PHKA1: variants seen among roughly 807,000 people sequenced by gnomAD.
PHKA1 encodes phosphorylase kinase regulatory subunit alpha 1, also known as phosphorylase b kinase regulatory subunit alpha, skeletal muscle isoform.
Under a neutral mutation model 110.2 loss-of-function variants are expected in PHKA1, and 60 were observed. The observed-to-expected ratio is 0.54, with a 90% CI of 0.44 to 0.68. PHKA1 has a LOEUF of 0.68. Ranked by LOEUF, PHKA1 falls within the 30% of genes least tolerant of loss-of-function variation. The pLI is 0.00. For missense variants in PHKA1, 801 were observed against 942.5 expected, an observed-to-expected ratio of 0.85 and a Z score of 1.97; for synonymous variants, 316 against 333.6, an observed-to-expected ratio of 0.95 and a Z score of 0.58.
chrX:72,591,081 T>TA (rs1482941942), intron 29 of PHKA1, among the ~76,000 whole-genome samples: 1 of 112,103 alleles, frequency 8.9e-6, no homozygotes, highest in African/African-American at 3.2e-5. Flanking sequence ...CAAAGTATTA[T>TA]AAATCATGCT....
intron 28 of PHKA1, among the ~76,000 whole-genome samples, chrX:72,596,085 A>G (rs1400834931): frequency 1.8e-5 from 2 of 112,306 alleles, no homozygotes; most frequent in Non-Finnish European, 3.8e-5. Context: ...AAAATCTGGT[A>G]ATACATAAAA....
intron 25 of PHKA1, among the ~76,000 whole-genome samples, chrX:72,604,026 T>C (rs1248118076): frequency 9.1e-6 from 1 of 109,778 alleles, no homozygotes; most frequent in Non-Finnish European, 1.9e-5. Flanking sequence ...CTATAAGGAA[T>C]AAAGAGCCAT....
intron 9 of PHKA1, among the ~76,000 whole-genome samples, 177 bp from the exon 10 acceptor site, chrX:72,656,419 C>T (rs781923975): frequency 8.9e-6 from 1 of 112,045 alleles, no homozygotes; most frequent in South Asian, 3.7e-4. Flanking sequence ...TTCTAACTAG[C>T]GGAATTGGGA....
Position 72,593,091 on chromosome X carries a change from G to A in PHKA1, c.3243+13C>T. 2 of 1,123,976 alleles carry A rather than the reference G, an allele frequency of 1.8e-6. No homozygotes were observed. The highest frequency in any genetic ancestry group is 2.5e-6 in the Non-Finnish European group (2 of 815,226). 92.6% of individuals were successfully genotyped at this position (1,123,976 alleles called of 1,213,427 possible). Reference sequence around the variant, plus strand: ...GGGGCAAAAATGAGACATCAACAATGTATTATGCTCACCTTCTGCAAAACT... The same window carrying A: ...GGGGCAAAAATGAGACATCAACAATATATTATGCTCACCTTCTGCAAAACT... On this transcript the variant is annotated intron_variant, in intron 29 of 31. Transcript: ENST00000373542.
At position 72,713,909 on chromosome X, in the gene PHKA1, A is replaced by G. The variant is rs2054424815; in HGVS notation, c.-29T>C. On this transcript the variant is annotated 5_prime_UTR_variant, in exon 1 of 32. Transcript: ENST00000373542. ...GACACGTTACTAATTGTCCTCTGAG[A>G]AATAGCCCGGGTGCCACCGGAGCCT... is the stretch of plus-strand genomic sequence containing the variant. The G allele has an allele frequency of 5.4e-6, 6 of 1,117,200 alleles. No homozygotes were observed. Among genetic ancestry groups the G allele is most frequent in the Non-Finnish European group, 7.4e-6 (6 of 811,535 alleles). The allele number at this position is 1,117,200 out of a possible 1,213,427, so 92.1% of individuals were successfully genotyped here.
chrX:72,666,620 C>A (rs782024479), intron 7 of PHKA1, among the ~76,000 whole-genome samples: 2 of 111,719 alleles, frequency 1.8e-5, no homozygotes, highest in South Asian at 7.5e-4. Context: ...TGATTCTTAA[C>A]CAGTTACTCA....
At chrX:72,586,785 G>A (rs964949864) in intron 29 of PHKA1, among the ~76,000 whole-genome samples, 9 of 110,003 alleles carry the variant, frequency 8.2e-5, no homozygotes, top group African/African-American at 1.3e-4. Context: ...CGTGACGCAC[G>A]CACAAGCTTC....
intron 15 of PHKA1, 64 bp downstream of exon 15, chrX:72,636,213 T>A (rs1421610719): frequency 1.4e-6 from 1 of 709,103 alleles, no homozygotes; most frequent in African/African-American, 2.1e-5. Context: ...AAATGCTTTA[T>A]TTCTCCAATG....
At chrX:72,691,400 T>G (rs1214712352) in intron 4 of PHKA1, among the ~76,000 whole-genome samples, 1 of 112,294 alleles carries the variant, frequency 8.9e-6, no homozygotes, top group East Asian at 2.8e-4. Context: ...TCCTTTAAAT[T>G]TCCATATAAA....
Position 72,675,206 on chromosome X carries a change from T to TA in PHKA1, c.618+863dup, listed in dbSNP as rs1556311151. On this transcript the variant is annotated intron_variant, in intron 6 of 31. Transcript: ENST00000373542. ...CCGTCTCAAAAAATAATAATAATAA[T>TA]AATAAATAAATAAATAAATAAATAA... Among the ~76,000 whole-genome samples the TA allele has an allele frequency of 6.9e-3, 721 of 104,109 alleles. 14 individuals carry two copies. The highest frequency in any genetic ancestry group is 0.023 in the African/African-American group (651 of 28,641). 90.4% of individuals were successfully genotyped at this position (104,109 alleles called of 115,157 possible).
intron 5 of PHKA1, among the ~76,000 whole-genome samples, chrX:72,678,950 T>A (rs1457559712): frequency 9.0e-6 from 1 of 111,719 alleles, no homozygotes; most frequent in Non-Finnish European, 1.9e-5. Flanking sequence ...TACACCAAGG[T>A]AACCATAATT....
At chrX:72,646,822 G>C (rs1432788641) in intron 13 of PHKA1, among the ~76,000 whole-genome samples, 4 of 111,197 alleles carry the variant, frequency 3.6e-5, no homozygotes, top group Non-Finnish European at 7.5e-5. Flanking sequence ...TAGTAAGACA[G>C]AGAGACCAGC....
At chrX:72,685,679 C>T (rs1177030211) in intron 4 of PHKA1, among the ~76,000 whole-genome samples, 2 of 111,698 alleles carry the variant, frequency 1.8e-5, no homozygotes, top group South Asian at 3.7e-4. Context: ...TTACTGTTTA[C>T]ATATGAAAGA....
Position 72,713,706 on chromosome X carries a change from ACACG to A in PHKA1, c.78+93_78+96del, listed in dbSNP as rs1263541320. On this transcript the variant is annotated intron_variant, in intron 1 of 31. Coordinates refer to ENST00000373542, the MANE Select transcript of PHKA1 (RefSeq NM_002637.4). ...CACACACACACACACACACACCCAC[ACACG>A]CACGCACGCACGGAGTTCATCCAAG... 2.7e-5 allele frequency: 17 copies of A among 628,878 alleles called. 1 individual carries two copies. Among genetic ancestry groups the A allele is most frequent in the Non-Finnish European group, 4.2e-5 (16 of 385,452 alleles). The allele number at this position is 628,878 out of a possible 1,213,427, so 51.8% of individuals were successfully genotyped here.
chrX:72,714,059 A>T lies in PHKA1; in HGVS notation c.-179T>A. On this transcript the variant is annotated 5_prime_UTR_variant, in exon 1 of 32. Coordinates refer to ENST00000373542, the MANE Select transcript of PHKA1 (RefSeq NM_002637.4). The stretch of plus-strand genomic sequence containing the variant: ...CCGCGGATTCCGCGTACCTCTCCGG[A>T]CTCCGGCGGCCTCAGGGGCCCACCA... 2.1e-6 allele frequency: 1 copy of T among 476,893 alleles called. No homozygotes were observed. The highest frequency in any genetic ancestry group is 3.7e-6 in the Non-Finnish European group (1 of 272,274). 39.3% of individuals were successfully genotyped at this position (476,893 alleles called of 1,213,427 possible).
At chrX:72,599,306 T>G (rs2052628498) in intron 28 of PHKA1, among the ~76,000 whole-genome samples, 1 of 111,813 alleles carries the variant, frequency 8.9e-6, no homozygotes, top group African/African-American at 3.2e-5. Context: ...GTCTTTGATT[T>G]AAACCAAATA....
chrX:72,607,369 T>C (rs987962150), intron 23 of PHKA1, among the ~76,000 whole-genome samples: 12 of 111,865 alleles, frequency 1.1e-4, no homozygotes, highest in Admixed American at 3.8e-4. Flanking sequence ...TTTCTCCACA[T>C]CCTTGCCAGC....
At chrX:72,673,680 A>G (rs1346744139) in intron 6 of PHKA1, among the ~76,000 whole-genome samples, 2 of 110,824 alleles carry the variant, frequency 1.8e-5, no homozygotes, top group Non-Finnish European at 3.8e-5. Flanking sequence ...ACAGCATATG[A>G]TTAAAAAAAA....
chrX:72,669,627 G>A (rs1380414204), intron 6 of PHKA1, among the ~76,000 whole-genome samples: 3 of 100,936 alleles, frequency 3.0e-5, no homozygotes, highest in Non-Finnish European at 4.0e-5. Flanking sequence ...GAGAATATGC[G>A]GTGTTTGGTT....
Sources: allele counts gnomAD v4.1 joint callset (sites outside exome capture counted in the v4.1 genomes callset), GRCh38; gene constraint gnomAD v4.1.1; transcripts MANE v1.5; gene names NCBI Gene and HGNC (gene_info 2026-07-23, HGNC 2026-07-21).